The following RBFOX1 variants were observed in gnomAD, a reference collection of about 807,000 sequenced individuals.
RBFOX1 encodes RNA binding fox-1 homolog 1, also known as RNA binding protein fox-1 homolog 1.
In RBFOX1, 8 loss-of-function variants were observed where a neutral mutation model predicts 57.7. The observed-to-expected ratio is 0.14, with a 90% CI of 0.08 to 0.25. RBFOX1 has a LOEUF of 0.25. Ranked by LOEUF, RBFOX1 falls within the 10% of genes least tolerant of loss-of-function variation. The probability of loss-of-function intolerance (pLI) is 1.00; values close to 1 mark genes in which losing one functional copy is unlikely to be tolerated. For missense variants in RBFOX1, 611 were observed against 548.5 expected (o/e 1.11, Z -1.14); for synonymous variants, 326 against 222.4 (o/e 1.47, Z -4.15).
At chr16:5,779,734 A>C (rs1027143145) in intron 3 of RBFOX1, among the ~76,000 whole-genome samples, 8 of 152,118 alleles carry the variant, frequency 5.3e-5, no homozygotes, top group East Asian at 1.9e-4. Context: ...TATTGCCCTG[A>C]TATTTGGCCT....
rs1324206159 is a variant in RBFOX1, at chr16:6,052,832, ATAATAT to A, written c.-127+32845_-127+32850del. Among the ~76,000 whole-genome samples, 134 of 137,474 alleles carry A rather than the reference ATAATAT, an allele frequency of 9.7e-4. 1 individual carries two copies. Among genetic ancestry groups the A allele is most frequent in the Admixed American group, 3.3e-3 (45 of 13,628 alleles). 90.2% of individuals were successfully genotyped at this position (137,474 alleles called of 152,430 possible). ...AATAATAATAATAATAATAATAATA[ATAATAT>A]TAATGCCTATGGCCTGGGGTTGTGC... On this transcript the variant is annotated intron_variant, in intron 1 of 15. Transcript: ENST00000550418.
intron 3 of RBFOX1, among the ~76,000 whole-genome samples, chr16:6,781,199 G>A (rs1406071579): frequency 6.6e-6 from 1 of 152,034 alleles, no homozygotes; most frequent in Non-Finnish European, 1.5e-5. Context: ...CATAGTGTTT[G>A]GTCTTCATTA....
chr16:5,680,147 T>TG (rs1363389988), intron 3 of RBFOX1, among the ~76,000 whole-genome samples: 2 of 151,956 alleles, frequency 1.3e-5, no homozygotes, highest in African/African-American at 4.8e-5. Context: ...AAGATATGTG[T>TG]GGGGGGTAAA....
intron 3 of RBFOX1, among the ~76,000 whole-genome samples, chr16:5,831,175 A>G (rs910694679): frequency 3.9e-5 from 6 of 152,054 alleles, no homozygotes; most frequent in Non-Finnish European, 7.4e-5. Flanking sequence ...CACCAATTCC[A>G]GTGTTGGAGG....
intron 3 of RBFOX1, among the ~76,000 whole-genome samples, chr16:6,741,747 G>C (rs1370569241): frequency 1.3e-5 from 2 of 151,762 alleles, no homozygotes; most frequent in Non-Finnish European, 2.9e-5. Context: ...TAATGTGGAA[G>C]AAAATACTTG....
intron 1 of RBFOX1, among the ~76,000 whole-genome samples, chr16:5,431,012 A>G (rs2067716571): frequency 6.6e-6 from 1 of 152,198 alleles, no homozygotes. Context: ...TTGGGAGTTA[A>G]GAGAAGGATG....
At chr16:7,411,965 C>G (rs993587850) in intron 4 of RBFOX1, among the ~76,000 whole-genome samples, 1 of 147,818 alleles carries the variant, frequency 6.8e-6, no homozygotes, top group African/African-American at 2.5e-5. Context: ...CAAGAAGAAA[C>G]TTCAGAGTCA....
At chr16:7,000,910 A>G (rs183139972) in intron 3 of RBFOX1, among the ~76,000 whole-genome samples, 36 of 152,232 alleles carry the variant, frequency 2.4e-4, no homozygotes, top group Admixed American at 2.0e-3. Flanking sequence ...GAAACACATA[A>G]TAAATTTTCT....
chr16:7,395,850 A>G (rs1294277458), intron 4 of RBFOX1, among the ~76,000 whole-genome samples: 3 of 152,182 alleles, frequency 2.0e-5, no homozygotes, highest in Non-Finnish European at 4.4e-5. Context: ...TCTTTGCCAC[A>G]TCCTTCAGAT....
intron 4 of RBFOX1, among the ~76,000 whole-genome samples, chr16:7,078,777 A>T (rs562810584): frequency 1.7e-4 from 23 of 138,396 alleles, no homozygotes; most frequent in African/African-American, 6.0e-4. Flanking sequence ...CCACTTCCCG[A>T]GTTCAAGCGA....
intron 2 of RBFOX1, among the ~76,000 whole-genome samples, chr16:5,575,909 C>T (rs765787497): frequency 9.2e-5 from 14 of 151,550 alleles, no homozygotes; most frequent in South Asian, 2.1e-4. Flanking sequence ...ATGGGTCACG[C>T]ATGTTTGCAC....
intron 1 of RBFOX1, among the ~76,000 whole-genome samples, chr16:6,065,328 C>T (rs186158390): frequency 3.3e-5 from 5 of 152,056 alleles, no homozygotes; most frequent in South Asian, 2.1e-4. Flanking sequence ...AACCACCGCA[C>T]GCGGCCCTAT....
At chr16:5,261,712 G>A (rs2062738156) in intron 1 of RBFOX1, among the ~76,000 whole-genome samples, 2 of 152,014 alleles carry the variant, frequency 1.3e-5, no homozygotes, top group Admixed American at 1.3e-4. Flanking sequence ...ACCATGCCTG[G>A]CTAATTTTTT....
intron 4 of RBFOX1, among the ~76,000 whole-genome samples, chr16:7,213,773 A>T (rs937892284): frequency 1.3e-5 from 2 of 152,186 alleles, no homozygotes; most frequent in African/African-American, 4.8e-5. Context: ...TAGAGCCATA[A>T]ACCAACTCAA....
rs560529801 is a variant in RBFOX1 at position 7,205,958 on chromosome 16, G to T, written c.27+153860G>T. Among the ~76,000 whole-genome samples the T allele has an allele frequency of 3.9e-5, 6 of 152,322 alleles. No individual in the cohort carries two copies. In the South Asian group the frequency reaches 6.2e-4, roughly 16 times the overall value. On this transcript the variant is annotated intron_variant, in intron 4 of 15. Coordinates refer to ENST00000550418, the MANE Select transcript of RBFOX1 (RefSeq NM_018723.4). ...GGAGGACAGCCTGGTTTTCTCATAC[G>T]ATTTGATCTACGACATGATGAGCCT...
At chr16:5,749,530 C>T (rs2053114901) in intron 3 of RBFOX1, among the ~76,000 whole-genome samples, 1 of 152,334 alleles carries the variant, frequency 6.6e-6, no homozygotes, top group Non-Finnish European at 1.5e-5. Context: ...GGTCTTTTCA[C>T]ATAGTCCCAT....
At chr16:6,766,462 T>A (rs912222768) in intron 3 of RBFOX1, among the ~76,000 whole-genome samples, 2 of 151,934 alleles carry the variant, frequency 1.3e-5, no homozygotes, top group African/African-American at 4.8e-5. Flanking sequence ...CACATGCCCT[T>A]CTTCATTTTT....
intron 4 of RBFOX1, among the ~76,000 whole-genome samples, chr16:6,005,124 C>T (rs1457463707): frequency 1.3e-5 from 2 of 152,152 alleles, no homozygotes; most frequent in Non-Finnish European, 2.9e-5. Flanking sequence ...ATACCAGGAG[C>T]ATGAGACACA....
intron 4 of RBFOX1, among the ~76,000 whole-genome samples, chr16:7,344,665 C>CT (rs199543954): frequency 0.017 from 2,605 of 152,232 alleles, 33 homozygotes; most frequent in Middle Eastern, 0.031. Flanking sequence ...ATTTCTACCA[C>CT]TTTGAAGCAT....
Sources: allele counts gnomAD v4.1 joint callset (sites outside exome capture counted in the v4.1 genomes callset), GRCh38; gene constraint gnomAD v4.1.1; transcripts MANE v1.5; gene names NCBI Gene and HGNC (gene_info 2026-07-23, HGNC 2026-07-21).